Variants in ADGRB1 observed in about 807,000 individuals in gnomAD.
ADGRB1 encodes the protein brain-specific angiogenesis inhibitor 1.
ADGRB1 carries 36 observed loss-of-function variants against 175.7 expected under a neutral mutation model. That is an observed-to-expected ratio of 0.20 (90% CI 0.16 to 0.27). ADGRB1 has a LOEUF of 0.27. Ranked by LOEUF, ADGRB1 falls within the 10% of genes least tolerant of loss-of-function variation. The pLI, the probability that ADGRB1 is intolerant of heterozygous loss-of-function variation, is 1.00. For synonymous variants in ADGRB1, 1,054 were observed against 979.4 expected (o/e 1.08, Z -1.42); for missense variants, 1,731 against 2,255.3 (o/e 0.77, Z 4.71).
In ADGRB1 at chr8:142,477,479, C is replaced by A. The variant is rs752011772; in HGVS notation, c.1317C>A (p.Pro439=). Reference sequence around the variant, plus strand: ...ATCGCACGCGCACCTGCAGGCCCCCCCAGTTTGGGGGCAACCCCTGTGAGG... The same window carrying A: ...ATCGCACGCGCACCTGCAGGCCCCCACAGTTTGGGGGCAACCCCTGTGAGG... ...FRDRTRTCRP[P]QFGGNPCEGP... is the part of the protein sequence containing the mutation. Residue 439 remains proline, a synonymous_variant, in exon 6 of 31, where the codon CCC becomes CCA. Coordinates refer to ENST00000517894, the MANE Select transcript of ADGRB1 (RefSeq NM_001702.3). The A allele has an allele frequency of 3.7e-6, 6 of 1,612,958 alleles. No individual in the cohort carries two copies. The highest frequency in any genetic ancestry group is 5.1e-6 in the Non-Finnish European group (6 of 1,179,838).
At chr8:142,488,922 G>A (rs1361495975) in intron 14 of ADGRB1, 113 bp from the exon 15 acceptor site, 77 of 1,324,266 alleles carry the variant, frequency 5.8e-5, no homozygotes, top group South Asian at 9.3e-5. Flanking sequence ...CCCTGGACGC[G>A]ACCTTGAAGA....
intron 17 of ADGRB1, among the ~76,000 whole-genome samples, chr8:142,497,865 G>A (rs1277962800): frequency 6.6e-6 from 1 of 152,216 alleles, no homozygotes; most frequent in Non-Finnish European, 1.5e-5. Context: ...TTTCAGAGCT[G>A]GAGGGAATGG....
At chr8:142,521,005 T>C in intron 20 of ADGRB1, 80 bp downstream of exon 20, 1 of 1,364,742 alleles carries the variant, frequency 7.3e-7, no homozygotes, top group Non-Finnish European at 1.0e-6. Flanking sequence ...GCCTGGACCG[T>C]GGGATCCCTG....
intron 18 of ADGRB1, among the ~76,000 whole-genome samples, chr8:142,517,403 A>G (rs866040674): frequency 3.7e-4 from 56 of 152,324 alleles, no homozygotes; most frequent in African/African-American, 1.3e-3. Context: ...TGAGCAGGGC[A>G]GAGGTGCCCT....
intron 1 of ADGRB1, among the ~76,000 whole-genome samples, chr8:142,452,700 T>C (rs1023155315): frequency 6.6e-6 from 1 of 151,870 alleles, no homozygotes; most frequent in Admixed American, 6.6e-5. Flanking sequence ...GGGCCTGGCA[T>C]GAAGGGCCCC....
At chr8:142,514,649 C>T (rs1843315650) in intron 18 of ADGRB1, among the ~76,000 whole-genome samples, 1 of 152,030 alleles carries the variant, frequency 6.6e-6, no homozygotes. Context: ...CAGTGTATGA[C>T]CAGGGTTAGG....
Position 142,543,406 on chromosome 8 carries a change from C to T in ADGRB1, c.4417C>T (p.Arg1473Trp), listed in dbSNP as rs961477011. Reference protein sequence around the residue: ...ATLSVSSLERRKSRYAELDFE... With the variant: ...ATLSVSSLERWKSRYAELDFE... ...CGCAAACCCCTTCTCCCTGCAGCGG[C>T]GGAAGTCGCGGTATGCAGAACTGGA... Residue 1473 changes from arginine to tryptophan, a missense_variant, in exon 29 of 31, where the codon CGG (arginine) becomes TGG (tryptophan). Coordinates refer to ENST00000517894, the MANE Select transcript of ADGRB1 (RefSeq NM_001702.3). The surrounding 1 kb of genome is among the most constrained non-coding windows in gnomAD (Gnocchi z 4.4). The T allele has an allele frequency of 2.6e-5, 42 of 1,613,650 alleles. No homozygotes were observed. The highest frequency in any genetic ancestry group is 5.0e-5 in the Admixed American group (3 of 59,980).
chr8:142,455,821 C>T lies in ADGRB1; in HGVS notation c.-220+5717C>T, dbSNP rs1224895070. 6.6e-6 allele frequency among the ~76,000 whole-genome samples: 1 copy of T among 152,038 alleles called. No individual in the cohort carries two copies. The highest frequency in any genetic ancestry group is 1.9e-4 in the East Asian group (1 of 5,172). ...GAAGGAGGCTTCCAAAGCCCACACC[C>T]CACCCCCGACCACCGGGCCCTGGGG... On this transcript the variant is annotated intron_variant, in intron 1 of 30. Coordinates refer to ENST00000517894, the MANE Select transcript of ADGRB1 (RefSeq NM_001702.3). This position sits in a 1 kb window ranked among gnomAD's most constrained non-coding sequence, Gnocchi z 4.9.
In ADGRB1 at chr8:142,449,819, G is replaced by A. The variant is rs980577362; in HGVS notation, c.-505G>A. 1 of 146,460 alleles carries A rather than the reference G, an allele frequency of 6.8e-6. No homozygotes were observed. The highest frequency in any genetic ancestry group is 1.5e-5 in the Non-Finnish European group (1 of 65,804). 9.1% of individuals were successfully genotyped at this position (146,460 alleles called of 1,614,324 possible). On this transcript the variant is annotated 5_prime_UTR_variant, in exon 1 of 31. Transcript: ENST00000517894. Reference sequence around the variant, plus strand: ...CGCGCCGCGTCCTGGCCCGGCCCGGGCCCGCGCGCCAGCATCGTCCGCAGC... The same window carrying A: ...CGCGCCGCGTCCTGGCCCGGCCCGGACCCGCGCGCCAGCATCGTCCGCAGC...
intron 18 of ADGRB1, among the ~76,000 whole-genome samples, chr8:142,513,152 C>T (rs566871478): frequency 3.9e-5 from 6 of 152,276 alleles, no homozygotes; most frequent in Non-Finnish European, 8.8e-5. Flanking sequence ...CATTTGAGGC[C>T]GGGGCACAGG....
chr8:142,498,892 A>C (rs1842350872), intron 17 of ADGRB1, among the ~76,000 whole-genome samples: 1 of 152,196 alleles, frequency 6.6e-6, no homozygotes, highest in Non-Finnish European at 1.5e-5. Context: ...ACAGGTGGGC[A>C]TAACAGACCC....
rs1252783918 is a variant in ADGRB1 at position 142,478,321 on chromosome 8, T to A, written c.1522T>A (p.Trp508Arg). Residue 508 changes from tryptophan to arginine, a missense_variant, in exon 7 of 31, where the codon TGG (tryptophan) becomes AGG (arginine). Physicochemically the swap from Trp to Arg is moderately radical, Grantham distance 101. This residue lies in a region of ADGRB1 where 388 missense variants were observed against 630.9 expected (regional missense o/e 0.61). Coordinates refer to ENST00000517894, the MANE Select transcript of ADGRB1 (RefSeq NM_001702.3). The part of the protein sequence containing the change: ...SYGGAECQGH[W>R]VETRDCFLQQ... ...CGGGGGTGCGGAGTGCCAGGGCCAC[T>A]GGGTGGAGACCCGAGACTGCTTCCT... is the stretch of plus-strand genomic sequence containing the variant. 6.2e-7 allele frequency: 1 copy of A among 1,609,958 alleles called. No homozygotes were observed.
At chr8:142,465,933 C>T (rs1290784711) in intron 2 of ADGRB1, among the ~76,000 whole-genome samples, 2 of 152,154 alleles carry the variant, frequency 1.3e-5, no homozygotes, top group Non-Finnish European at 2.9e-5. Flanking sequence ...TTTTCCTGCT[C>T]ATGAGACAGG....
In ADGRB1 at chr8:142,478,427, G is replaced by T. The variant is rs973124510; in HGVS notation, c.1561+67G>T. ...GCAGGAGCCTCTAGGAAGGGGACAG[G>T]CCCCACAGCGGGTGGGGGTAACCAT... On this transcript the variant is annotated intron_variant, in intron 7 of 30. Transcript: ENST00000517894. 9 of 1,472,682 alleles carry T rather than the reference G, an allele frequency of 6.1e-6. No individual in the cohort carries two copies. The African/African-American group carries it at 9.8e-5, about 16-fold the overall frequency. 91.2% of individuals were successfully genotyped at this position (1,472,682 alleles called of 1,614,324 possible).
intron 11 of ADGRB1, among the ~76,000 whole-genome samples, 200 bp downstream of exon 11, chr8:142,481,911 C>G (rs1356551174): frequency 6.6e-6 from 1 of 150,930 alleles, no homozygotes; most frequent in African/African-American, 2.4e-5. Context: ...GAGCCCTGAT[C>G]ATAGGCTGAG....
chr8:142,476,698 G>A lies in ADGRB1; in HGVS notation c.1057+3G>A. 1 of 1,543,608 alleles carries A rather than the reference G, an allele frequency of 6.5e-7. No homozygotes were observed. The highest frequency in any genetic ancestry group is 8.7e-7 in the Non-Finnish European group (1 of 1,143,078). On this transcript the variant is annotated splice_donor_region_variant and intron_variant, in intron 4 of 30. Coordinates refer to ENST00000517894, the MANE Select transcript of ADGRB1 (RefSeq NM_001702.3). Reference sequence around the variant, plus strand: ...TGGGTTCCCAGCCCCCCAGACCGGTGAGCTGGCGGGAGGGGGGTGGGTGGG... The same window carrying A: ...TGGGTTCCCAGCCCCCCAGACCGGTAAGCTGGCGGGAGGGGGGTGGGTGGG...
chr8:142,542,293 C>T lies in ADGRB1; in HGVS notation c.4059C>T (p.Ala1353=). 1 of 1,613,296 alleles carries T rather than the reference C, an allele frequency of 6.2e-7. No homozygotes were observed. The highest frequency in any genetic ancestry group is 8.5e-7 in the Non-Finnish European group (1 of 1,179,794). The change falls in exon 28 of 31, where the codon GCC becomes GCT. Residue 1353 remains alanine, a synonymous_variant. Coordinates refer to ENST00000517894, the MANE Select transcript of ADGRB1 (RefSeq NM_001702.3). This position sits in a 1 kb window ranked among gnomAD's most constrained non-coding sequence, Gnocchi z 6.3. ...ACGTGATCCTGCCCACGGCCACGGC[C>T]ACGCTGCGGCCCAAGCCCAAGGAGG... is the stretch of plus-strand genomic sequence containing the variant. ...TSYVILPTAT[A]TLRPKPKEEP...
chr8:142,507,074 A>G (rs1842883430), intron 17 of ADGRB1, among the ~76,000 whole-genome samples: 1 of 152,196 alleles, frequency 6.6e-6, no homozygotes, highest in African/African-American at 2.4e-5. Flanking sequence ...TGCTGTGTGA[A>G]CTTGGACAAT....
At chr8:142,502,413 G>A (rs1354460986) in intron 17 of ADGRB1, among the ~76,000 whole-genome samples, 1 of 79,080 alleles carries the variant, frequency 1.3e-5, no homozygotes, top group African/African-American at 5.0e-5. Flanking sequence ...TGGTGGTGGT[G>A]GTGGTGATGG....
Sources: allele counts gnomAD v4.1 joint callset (sites outside exome capture counted in the v4.1 genomes callset), GRCh38; gene constraint gnomAD v4.1.1; regional missense constraint gnomAD v4.1.1; non-coding constraint Gnocchi (gnomAD v3.1); transcripts MANE v1.5; gene names NCBI Gene and HGNC (gene_info 2026-07-23, HGNC 2026-07-21).